Variants in LGR4 observed in about 807,000 individuals in gnomAD.
LGR4 encodes the protein leucine-rich repeat-containing G protein-coupled receptor 4.
A neutral mutation model predicts 84.8 loss-of-function variants in LGR4; 44 were observed. That is an observed-to-expected ratio of 0.52 (90% confidence interval 0.41 to 0.67). The LOEUF (loss-of-function observed/expected upper bound fraction) is 0.67, where lower values mean the gene tolerates loss of function less well. Among genes scored for constraint, LGR4 ranks in the 30% least tolerant of loss-of-function variants. The pLI, the probability that LGR4 is intolerant of heterozygous loss-of-function variation, is 0.00. For missense variants in LGR4, 1,032 were observed against 1,131.4 expected, an observed-to-expected ratio of 0.91 and a Z score of 1.26; for synonymous variants, 429 against 434.3, an observed-to-expected ratio of 0.99 and a Z score of 0.15.
chr11:27,407,199 A>T (rs1863627911), intron 2 of LGR4, among the ~76,000 whole-genome samples: 1 of 152,142 alleles, frequency 6.6e-6, no homozygotes. Flanking sequence ...CTCCTTGTTC[A>T]CAAATTTGGT....
intron 1 of LGR4, among the ~76,000 whole-genome samples, chr11:27,430,562 T>A (rs1362444040): frequency 3.9e-5 from 6 of 152,142 alleles, no homozygotes; most frequent in African/African-American, 1.2e-4. Flanking sequence ...ATTATGAGCA[T>A]CCCCAGGCGG....
chr11:27,391,302 T>C (rs1223356822), intron 3 of LGR4, 137 bp from the exon 4 acceptor site: 4 of 569,834 alleles, frequency 7.0e-6, no homozygotes, highest in Non-Finnish European at 1.2e-5. Flanking sequence ...GTGGAAAGCA[T>C]CTAAGACAAG....
intron 1 of LGR4, among the ~76,000 whole-genome samples, chr11:27,428,055 C>CG (rs1199744822): frequency 1.3e-5 from 2 of 151,930 alleles, no homozygotes; most frequent in African/African-American, 2.4e-5. Context: ...TGGCAAGAGT[C>CG]GGGGGGTGGA....
At chr11:27,399,562 C>T (rs889298722) in intron 2 of LGR4, among the ~76,000 whole-genome samples, 1 of 151,612 alleles carries the variant, frequency 6.6e-6, no homozygotes, top group Non-Finnish European at 1.5e-5. Context: ...CACTGTCTCC[C>T]AGGCTGGAGT....
chr11:27,439,424 A>G (rs1189551351), intron 1 of LGR4, among the ~76,000 whole-genome samples: 1 of 152,138 alleles, frequency 6.6e-6, no homozygotes, highest in Non-Finnish European at 1.5e-5. Flanking sequence ...GCTAAATAAT[A>G]TTCTATTGTA....
intron 1 of LGR4, among the ~76,000 whole-genome samples, chr11:27,440,447 C>A (rs992946135): frequency 3.9e-5 from 6 of 152,118 alleles, no homozygotes. Flanking sequence ...TTTTTGAGAT[C>A]TCTTATTTAC....
intron 4 of LGR4, among the ~76,000 whole-genome samples, chr11:27,390,090 A>G (rs1012884613): frequency 2.6e-5 from 4 of 152,172 alleles, no homozygotes; most frequent in African/African-American, 9.7e-5. Context: ...CTCATTAACT[A>G]CTAGAATATC....
At chr11:27,382,352 C>A (rs1377775593) in intron 6 of LGR4, 96 bp from the exon 7 acceptor site, 1 of 761,772 alleles carries the variant, frequency 1.3e-6, no homozygotes, top group Non-Finnish European at 2.3e-6. Context: ...TAAATCATAT[C>A]CTCTGTATGG....
At chr11:27,376,480 T>TG in intron 12 of LGR4, 110 bp from the exon 13 acceptor site, 1 of 528,944 alleles carries the variant, frequency 1.9e-6, no homozygotes. Context: ...CTTTCTATTT[T>TG]GAAAAATAAC....
intron 1 of LGR4, among the ~76,000 whole-genome samples, chr11:27,471,494 G>A (rs1380314325): frequency 1.3e-5 from 2 of 152,264 alleles, no homozygotes; most frequent in African/African-American, 4.8e-5. Context: ...TGCTGCAGAA[G>A]CCTGGGCGTT....
intron 1 of LGR4, among the ~76,000 whole-genome samples, chr11:27,440,448 T>A (rs1864286649): frequency 1.3e-5 from 2 of 152,184 alleles, no homozygotes; most frequent in Admixed American, 6.5e-5. Flanking sequence ...TTTTGAGATC[T>A]CTTATTTACA....
At chr11:27,385,817 A>AT (rs1863177667) in intron 4 of LGR4, among the ~76,000 whole-genome samples, 3 of 150,662 alleles carry the variant, frequency 2.0e-5, no homozygotes, top group South Asian at 4.2e-4. Context: ...CAGGCATACA[A>AT]AAAAAAAAAA....
At chr11:27,469,536 C>T (rs757433709) in intron 1 of LGR4, among the ~76,000 whole-genome samples, 2 of 152,142 alleles carry the variant, frequency 1.3e-5, no homozygotes, top group Non-Finnish European at 2.9e-5. Flanking sequence ...CTGTCAGTCC[C>T]AGGATCTTTA....
chr11:27,378,876 T>A (rs2133367386), intron 10 of LGR4, 108 bp from the exon 11 acceptor site: 3 of 729,810 alleles, frequency 4.1e-6, no homozygotes, highest in Non-Finnish European at 7.0e-6. Context: ...GACTAGATTC[T>A]ATACATCCCA....
intron 1 of LGR4, among the ~76,000 whole-genome samples, chr11:27,462,417 T>A (rs1864699628): frequency 6.6e-6 from 1 of 152,204 alleles, no homozygotes; most frequent in Non-Finnish European, 1.5e-5. Flanking sequence ...GGCTTTCTTG[T>A]TAGAGGGAAG....
At chr11:27,422,701 T>C (rs1056165709) in intron 1 of LGR4, among the ~76,000 whole-genome samples, 2 of 152,222 alleles carry the variant, frequency 1.3e-5, no homozygotes, top group African/African-American at 2.4e-5. Context: ...TTAAACTGAA[T>C]CAAAATTACA....
At position 27,423,940 on chromosome 11, in the gene LGR4, CA is replaced by C. The variant is rs570147147; in HGVS notation, c.186-11081del. ...TTAATAAGAAAAAACAGAGAAAAAGCATACACACACCCAGACACAAACATAA... is the reference window on the plus strand; with the variant it reads ...TTAATAAGAAAAAACAGAGAAAAAGCTACACACACCCAGACACAAACATAA... On this transcript the variant is annotated intron_variant, in intron 1 of 17. Coordinates refer to ENST00000379214, the MANE Select transcript of LGR4 (RefSeq NM_018490.5). 3.9e-3 allele frequency among the ~76,000 whole-genome samples: 589 copies of C among 152,234 alleles called. 15 individuals are homozygous for C. The highest frequency in any genetic ancestry group is 0.034 in the Admixed American group (525 of 15,288).
At chr11:27,369,167 A>G (rs377257576) in intron 17 of LGR4, 24 bp from the exon 18 acceptor site, 71 of 1,521,608 alleles carry the variant, frequency 4.7e-5, no homozygotes, top group Non-Finnish European at 6.1e-5. Context: ...ACACAGAGAG[A>G]GAGAAATAAA....
chr11:27,384,946 C>G (rs749970398), intron 5 of LGR4, among the ~76,000 whole-genome samples: 22 of 152,170 alleles, frequency 1.4e-4, no homozygotes, highest in Non-Finnish European at 2.5e-4. Flanking sequence ...GAAATGACTT[C>G]CCTTCTTTTA....
Sources: gnomAD v4.1 joint callset for allele counts (sites outside exome capture counted in the v4.1 genomes callset) on GRCh38, gnomAD v4.1.1 for gene constraint, MANE v1.5 for transcripts, NCBI Gene and HGNC (gene_info 2026-07-23, HGNC 2026-07-21) for gene names.